ROBO1: variants seen among roughly 807,000 people sequenced by gnomAD.
The protein encoded by ROBO1 is roundabout guidance receptor 1.
Under a neutral mutation model 195.9 loss-of-function variants are expected in ROBO1, and 149 were observed. The ratio of observed to expected loss-of-function variants is 0.76; its 90% confidence interval spans 0.67 to 0.87. The LOEUF (loss-of-function observed/expected upper bound fraction) is 0.87, where lower values mean the gene tolerates loss of function less well. Ranked by LOEUF, ROBO1 falls within the 40% of genes least tolerant of loss-of-function variation. The pLI is 0.00. For synonymous variants in ROBO1, 816 were observed against 733.2 expected, an observed-to-expected ratio of 1.11 and a Z score of -1.82; for missense variants, 1,933 against 2,068.3, an observed-to-expected ratio of 0.93 and a Z score of 1.27.
At chr3:79,663,643 T>C (rs1228856715) in intron 1 of ROBO1, among the ~76,000 whole-genome samples, 1 of 152,048 alleles carries the variant, frequency 6.6e-6, no homozygotes, top group African/African-American at 2.4e-5. Flanking sequence ...TTGCCATGCC[T>C]GGCTCTCACT....
chr3:79,381,965 T>G (rs537926039), intron 2 of ROBO1, among the ~76,000 whole-genome samples: 9 of 152,304 alleles, frequency 5.9e-5, no homozygotes, highest in Non-Finnish European at 8.8e-5. Context: ...ACAATCATTT[T>G]CTAATCTTTA....
At chr3:79,347,341 T>G (rs1271467693) in intron 2 of ROBO1, among the ~76,000 whole-genome samples, 1 of 152,218 alleles carries the variant, frequency 6.6e-6, no homozygotes, top group Non-Finnish European at 1.5e-5. Context: ...ATGAGGATTC[T>G]GCAGAAAATC....
At chr3:79,231,654 C>T (rs756069485) in intron 2 of ROBO1, among the ~76,000 whole-genome samples, 4 of 152,044 alleles carry the variant, frequency 2.6e-5, no homozygotes, top group Admixed American at 6.6e-5. Context: ...GACAATGTGG[C>T]GATTCCTCAA....
intron 4 of ROBO1, among the ~76,000 whole-genome samples, chr3:78,925,876 C>CTT (rs533952105): frequency 6.8e-6 from 1 of 146,226 alleles, no homozygotes; most frequent in Non-Finnish European, 1.5e-5. Flanking sequence ...GCAAAATGTA[C>CTT]TTTTTTTTTT....
chr3:79,558,732 G>T (rs1035189137), intron 2 of ROBO1, among the ~76,000 whole-genome samples: 1 of 152,074 alleles, frequency 6.6e-6, no homozygotes, highest in African/African-American at 2.4e-5. Flanking sequence ...AAAACTGCAT[G>T]ATAGAGTTAC....
In ROBO1 at chr3:78,859,587, T is replaced by A. The variant is rs191321113; in HGVS notation, c.499+79014A>T. Among the ~76,000 whole-genome samples the A allele has an allele frequency of 3.4e-3, 522 of 152,210 alleles. 4 individuals are homozygous for A. The highest frequency in any genetic ancestry group is 6.2e-3 in the Non-Finnish European group (422 of 68,016). On this transcript the variant is annotated intron_variant, in intron 4 of 30. Coordinates refer to ENST00000464233, the MANE Select transcript of ROBO1 (RefSeq NM_002941.4). ...TTTGTAGCTAAGGGGGTCAGCCAAC[T>A]GAAAGGCCAAAGTGTTGAAGGTGTC...
intron 2 of ROBO1, among the ~76,000 whole-genome samples, chr3:79,312,900 T>C (rs963137860): frequency 1.3e-5 from 2 of 152,200 alleles, no homozygotes; most frequent in African/African-American, 4.8e-5. Context: ...CATGCATACA[T>C]ATACCTATAC....
rs1046369521 is a variant in ROBO1, at chr3:78,668,399, G to A, written c.1630+85C>T. On this transcript the variant is annotated intron_variant, in intron 12 of 30. Transcript: ENST00000464233. ...CATATTCATACACCTACTCAGGGAA[G>A]AGGACATTTACTTCATCAATATCCC... 1.1e-5 allele frequency: 18 copies of A among 1,580,884 alleles called. No individual in the cohort carries two copies. In the Admixed American group the frequency reaches 3.0e-4, roughly 26 times the overall value.
chr3:79,090,536 T>C (rs1161533723), intron 3 of ROBO1, among the ~76,000 whole-genome samples: 1 of 151,090 alleles, frequency 6.6e-6, no homozygotes, highest in East Asian at 2.0e-4. Context: ...GAAATTCCAG[T>C]ATAATTTTTG....
intron 4 of ROBO1, among the ~76,000 whole-genome samples, chr3:78,832,032 G>T (rs1277070606): frequency 6.6e-6 from 1 of 152,106 alleles, no homozygotes; most frequent in Non-Finnish European, 1.5e-5. Flanking sequence ...AATGATAAAT[G>T]AAACAACTTT....
In ROBO1 at chr3:78,635,870, C is replaced by A. The variant is rs760723125; in HGVS notation, c.3276G>T (p.Gly1092=). The change falls in exon 23 of 31, where the codon GGG becomes GGT. Residue 1092 remains glycine, a synonymous_variant. Coordinates refer to ENST00000464233, the MANE Select transcript of ROBO1 (RefSeq NM_002941.4). ...NLSNNMNNGS[G]DSGEKHWKPL... is the part of the protein sequence containing the mutation. ...GTTTCCAGTGCTTCTCGCCAGAGTC[C>A]CCGCTGCCATTGTTCATGTTGTTGC... is the stretch of plus-strand genomic sequence containing the variant. The A allele has an allele frequency of 8.7e-6, 14 of 1,613,718 alleles. No individual in the cohort carries two copies. The Admixed American group carries it at 1.2e-4, about 13-fold the overall frequency.
chr3:79,251,374 T>C (rs1321130123), intron 2 of ROBO1, among the ~76,000 whole-genome samples: 3 of 152,318 alleles, frequency 2.0e-5, no homozygotes, highest in Non-Finnish European at 2.9e-5. Flanking sequence ...TGTTTACTTA[T>C]TGTTCAATAC....
At chr3:79,224,565 A>G (rs541743182) in intron 2 of ROBO1, among the ~76,000 whole-genome samples, 1 of 152,332 alleles carries the variant, frequency 6.6e-6, no homozygotes, top group African/African-American at 2.4e-5. Context: ...CCACTTTACA[A>G]TGCTCATAGT....
chr3:79,632,519 G>A lies in ROBO1; in HGVS notation c.-50-42558C>T, dbSNP rs541315369. On this transcript the variant is annotated intron_variant, in intron 1 of 30. Transcript: ENST00000464233. ...AGTGAGGGTTTAAAAATTACCCATT[G>A]GGTACAAGTTTCACAATTCAGGGGA... 3.9e-5 allele frequency among the ~76,000 whole-genome samples: 6 copies of A among 152,180 alleles called. No homozygotes were observed. In the East Asian group the frequency reaches 1.2e-3, roughly 29 times the overall value.
chr3:79,574,350 C>A lies in ROBO1; in HGVS notation c.88+15474G>T, dbSNP rs532130085. On this transcript the variant is annotated intron_variant, in intron 2 of 30. Transcript: ENST00000464233. ...TGTTTGTGTTTTTCGTGCACCTAAC[C>A]CTTTTCCTAGCTTTTATTCCAATTT... Among the ~76,000 whole-genome samples the A allele has an allele frequency of 2.6e-5, 4 of 151,980 alleles. No homozygotes were observed. In the South Asian group the frequency reaches 6.2e-4, roughly 24 times the overall value.
intron 2 of ROBO1, among the ~76,000 whole-genome samples, chr3:79,531,034 C>A (rs186486989): frequency 8.5e-5 from 13 of 152,190 alleles, no homozygotes; most frequent in African/African-American, 3.1e-4. Flanking sequence ...CACTATTTTT[C>A]TCATAAGTCA....
At position 79,056,125 on chromosome 3, in the gene ROBO1, A is replaced by G. The variant is rs140495397; in HGVS notation, c.172+69331T>C. 4.6e-3 allele frequency among the ~76,000 whole-genome samples: 703 copies of G among 152,226 alleles called. 8 individuals are homozygous for G. The highest frequency in any genetic ancestry group is 0.016 in the African/African-American group (675 of 41,558). Reference sequence around the variant, plus strand: ...CCTCTCATAGTTATTGATCTTAAAGATTGTTTTTTTCATCTTGCTCTACAT... The same window carrying G: ...CCTCTCATAGTTATTGATCTTAAAGGTTGTTTTTTTCATCTTGCTCTACAT... On this transcript the variant is annotated intron_variant, in intron 3 of 30. Coordinates refer to ENST00000464233, the MANE Select transcript of ROBO1 (RefSeq NM_002941.4).
At chr3:78,874,935 T>C (rs1229252499) in intron 4 of ROBO1, among the ~76,000 whole-genome samples, 1 of 151,936 alleles carries the variant, frequency 6.6e-6, no homozygotes. Flanking sequence ...TCAACACCCA[T>C]CTGTTTCACT....
chr3:78,635,866 AG>A lies in ROBO1; in HGVS notation c.3279del (p.Ser1094LeufsTer29), dbSNP rs1705461727. On this transcript the variant is annotated frameshift_variant, in exon 23 of 31. Coordinates refer to ENST00000464233, the MANE Select transcript of ROBO1 (RefSeq NM_002941.4). LOFTEE classifies it high-confidence loss of function. ...LSNNMNNGSG[D>X]SGEKHWKPLG... Reference sequence around the variant, plus strand: ...AGTGGTTTCCAGTGCTTCTCGCCAGAGTCCCCGCTGCCATTGTTCATGTTGT... The same window carrying A: ...AGTGGTTTCCAGTGCTTCTCGCCAGATCCCCGCTGCCATTGTTCATGTTGT... 1 of 1,613,116 alleles carries A rather than the reference AG, an allele frequency of 6.2e-7. No individual in the cohort carries two copies. Among genetic ancestry groups the A allele is most frequent in the South Asian group, 1.1e-5 (1 of 91,072 alleles).
Sources: allele counts gnomAD v4.1 joint callset (sites outside exome capture counted in the v4.1 genomes callset), GRCh38; gene constraint gnomAD v4.1.1; transcripts MANE v1.5; gene names NCBI Gene and HGNC (gene_info 2026-07-23, HGNC 2026-07-21).